Variants in LNX1 observed in about 807,000 individuals in gnomAD.
LNX1 encodes the protein ligand of numb-protein X 1.
A neutral mutation model predicts 68.4 loss-of-function variants in LNX1; 54 were observed. The ratio of observed to expected loss-of-function variants is 0.79; its 90% confidence interval spans 0.63 to 0.99. The LOEUF (loss-of-function observed/expected upper bound fraction) is 0.99. Ranked by LOEUF, LNX1 falls within the 50% of genes least tolerant of loss-of-function variation. The pLI, the probability that LNX1 is intolerant of heterozygous loss-of-function variation, is 0.00. For missense variants in LNX1, 906 were observed against 926.4 expected (o/e 0.98, Z 0.29); for synonymous variants, 336 against 350.0 (o/e 0.96, Z 0.45).
At chr4:53,649,884 C>A (rs1253761052) in intron 1 of LNX1, among the ~76,000 whole-genome samples, 1 of 152,138 alleles carries the variant, frequency 6.6e-6, no homozygotes, top group Admixed American at 6.5e-5. Context: ...TATGTTCCAC[C>A]CTAGCCAAGC....
chr4:53,533,647 G>T (rs546960190), intron 2 of LNX1, among the ~76,000 whole-genome samples: 15 of 152,264 alleles, frequency 9.9e-5, no homozygotes, highest in African/African-American at 3.6e-4. Flanking sequence ...TGATCCGCCC[G>T]CCTCGGCCTC....
intron 2 of LNX1, among the ~76,000 whole-genome samples, chr4:53,529,305 C>A (rs976197772): frequency 6.6e-5 from 10 of 152,052 alleles, no homozygotes; most frequent in Admixed American, 5.9e-4. Context: ...CAGAATCTGC[C>A]TGGGAGCAGG....
upstream of LNX1, among the ~76,000 whole-genome samples, chr4:53,618,710 C>G (rs1340109038): frequency 6.6e-6 from 1 of 152,156 alleles, no homozygotes; most frequent in Non-Finnish European, 1.5e-5. Flanking sequence ...TTTAAATTTT[C>G]CAGTAGCCAC....
intron 4 of LNX1, among the ~76,000 whole-genome samples, chr4:53,500,819 T>G (rs1725422506): frequency 6.6e-6 from 1 of 152,180 alleles, no homozygotes; most frequent in African/African-American, 2.4e-5. Flanking sequence ...CACAGGCAAT[T>G]GCTAGAACAT....
intron 1 of LNX1, among the ~76,000 whole-genome samples, chr4:53,636,401 G>A (rs1017493335): frequency 6.6e-6 from 1 of 152,058 alleles, no homozygotes; most frequent in African/African-American, 2.4e-5. Context: ...GAGAAATGCT[G>A]GCAGAGGAAC....
intron 2 of LNX1, among the ~76,000 whole-genome samples, chr4:53,521,843 A>T (rs1236143664): frequency 1.3e-5 from 2 of 152,158 alleles, no homozygotes; most frequent in Non-Finnish European, 2.9e-5. Context: ...CTCTGACCCC[A>T]GGCTGGAGTG....
chr4:53,583,964 A>T (rs1731993907), intron 1 of LNX1, among the ~76,000 whole-genome samples: 1 of 150,482 alleles, frequency 6.6e-6, no homozygotes, highest in Non-Finnish European at 1.5e-5. Context: ...AACAACAACA[A>T]CAACAACAAC....
chr4:53,465,358 AAG>A (rs1397806178), intron 9 of LNX1, among the ~76,000 whole-genome samples: 1 of 152,202 alleles, frequency 6.6e-6, no homozygotes, highest in Non-Finnish European at 1.5e-5. Flanking sequence ...TCACATAATA[AAG>A]AGAATAAACT....
intron 2 of LNX1, among the ~76,000 whole-genome samples, chr4:53,512,504 G>GTGTGTGTGTA (rs1553933800): frequency 1.2e-5 from 1 of 85,854 alleles, no homozygotes; most frequent in Non-Finnish European, 2.4e-5. Context: ...GTGTGTGTGT[G>GTGTGTGTGTA]TGTGTGTGTG....
chr4:53,472,239 A>G (rs80306563), intron 9 of LNX1, among the ~76,000 whole-genome samples: 1 of 152,072 alleles, frequency 6.6e-6, no homozygotes, highest in African/African-American at 2.4e-5. Context: ...TTGCAAGGAC[A>G]AAAAACCAAA....
At chr4:53,526,278 A>G (rs1175695300) in intron 2 of LNX1, among the ~76,000 whole-genome samples, 1 of 152,148 alleles carries the variant, frequency 6.6e-6, no homozygotes, top group Non-Finnish European at 1.5e-5. Context: ...TGAGGAGCTT[A>G]TGAATGTTGA....
chr4:53,623,133 C>A (rs1433212821), intron 1 of LNX1, among the ~76,000 whole-genome samples: 1 of 151,726 alleles, frequency 6.6e-6, no homozygotes, highest in African/African-American at 2.4e-5. Flanking sequence ...ATACATTGCA[C>A]GGCTGGACTA....
intron 2 of LNX1, among the ~76,000 whole-genome samples, chr4:53,608,216 C>T (rs1193548553): frequency 6.6e-6 from 1 of 152,120 alleles, no homozygotes; most frequent in Non-Finnish European, 1.5e-5. Context: ...GTAAACTGTG[C>T]ATCCTACAAA....
At chr4:53,517,037 T>A (rs781521382) in intron 2 of LNX1, among the ~76,000 whole-genome samples, 3 of 152,202 alleles carry the variant, frequency 2.0e-5, no homozygotes, top group Non-Finnish European at 4.4e-5. Flanking sequence ...ATAGCTTCCA[T>A]GGGAGTAAAC....
chr4:53,547,138 G>A (rs775430609), intron 2 of LNX1, among the ~76,000 whole-genome samples: 16 of 152,224 alleles, frequency 1.1e-4, no homozygotes, highest in Admixed American at 2.6e-4. Context: ...ATTGTGAGGC[G>A]CACCATTATT....
At chr4:53,595,975 A>G (rs112175623), upstream of LNX1, among the ~76,000 whole-genome samples, 2 of 151,978 alleles carry the variant, frequency 1.3e-5, no homozygotes, top group Non-Finnish European at 2.9e-5. Context: ...CTCTACAAAA[A>G]CCTCTTTGGC....
chr4:53,626,715 A>G (rs1239324865), intron 1 of LNX1, among the ~76,000 whole-genome samples: 1 of 152,226 alleles, frequency 6.6e-6, no homozygotes, highest in African/African-American at 2.4e-5. Context: ...AACCAAAAAA[A>G]AGAAGGAAAT....
At chr4:53,568,409 C>T (rs1413428134) in intron 2 of LNX1, among the ~76,000 whole-genome samples, 2 of 152,042 alleles carry the variant, frequency 1.3e-5, no homozygotes, top group African/African-American at 4.8e-5. Context: ...ATGATTATCT[C>T]AATAGATGCA....
intron 2 of LNX1, among the ~76,000 whole-genome samples, chr4:53,511,442 A>G (rs1726330827): frequency 6.6e-6 from 1 of 152,108 alleles, no homozygotes; most frequent in African/African-American, 2.4e-5. Context: ...AGCACTAAGT[A>G]CTCTCAGATG....
Sources: allele counts gnomAD v4.1 joint callset (sites outside exome capture counted in the v4.1 genomes callset), GRCh38; gene constraint gnomAD v4.1.1; transcripts MANE v1.5; gene names NCBI Gene and HGNC (gene_info 2026-07-23, HGNC 2026-07-21).